The following PHF14 variants were observed in gnomAD, a reference collection of about 807,000 sequenced individuals.
The protein encoded by PHF14 is PHD finger protein 14.
A neutral mutation model predicts 117.9 loss-of-function variants in PHF14; 55 were observed. That is an observed-to-expected ratio of 0.47 (90% CI 0.38 to 0.58). PHF14 has a LOEUF of 0.58. Among genes scored for constraint, PHF14 ranks in the 20% least tolerant of loss-of-function variants. The probability of loss-of-function intolerance (pLI) is 0.00; values close to 1 mark genes in which losing one functional copy is unlikely to be tolerated. For synonymous variants in PHF14, 409 were observed against 368.6 expected (o/e 1.11, Z -1.26); for missense variants, 978 against 1,122.2 (o/e 0.87, Z 1.84).
chr7:10,982,471 A>G lies in PHF14; in HGVS notation c.212A>G (p.Asn71Ser). ...SEENILEEEL[N>S]EDIKVKEEQL... ...GAAAATATTTTAGAAGAAGAACTGA[A>G]TGAAGATATTAAAGTAAAAGAAGAA... The change falls in exon 3 of 18, where the codon AAT (asparagine) becomes AGT (serine). Residue 71 changes from asparagine to serine, a missense_variant. This residue lies in a region of PHF14 where 414 missense variants were observed against 376.4 expected (regional missense o/e 1.10). Coordinates refer to ENST00000634607, the MANE Select transcript of PHF14 (RefSeq NM_001007157.2). 1 of 1,588,086 alleles carries G rather than the reference A, an allele frequency of 6.3e-7. No homozygotes were observed. Among genetic ancestry groups the G allele is most frequent in the South Asian group, 1.1e-5 (1 of 88,612 alleles).
At chr7:11,109,035 A>G (rs950525755) in intron 16 of PHF14, 25 of 151,942 alleles carry the variant, frequency 1.6e-4, no homozygotes, top group African/African-American at 5.1e-4. Context: ...CCAAAAACCT[A>G]AAGTTAAGGA....
At chr7:11,073,479 C>A (rs1785703286) in intron 16 of PHF14, among the ~76,000 whole-genome samples, 1 of 152,238 alleles carries the variant, frequency 6.6e-6, no homozygotes, top group South Asian at 2.1e-4. Context: ...GCTCCAAATG[C>A]TTTGGGCAGC....
At chr7:11,072,620 C>CTA (rs1258341367) in intron 16 of PHF14, among the ~76,000 whole-genome samples, 1 of 151,568 alleles carries the variant, frequency 6.6e-6, no homozygotes, top group Admixed American at 6.6e-5. Flanking sequence ...ATGGTAAAGG[C>CTA]TATATATATG....
chr7:11,048,733 A>G (rs1483425516), intron 13 of PHF14, among the ~76,000 whole-genome samples: 1 of 152,254 alleles, frequency 6.6e-6, no homozygotes, highest in African/African-American at 2.4e-5. Flanking sequence ...AGTGTTTAAT[A>G]GATTGTTGAA....
chr7:11,080,598 T>C (rs935882854), intron 16 of PHF14, among the ~76,000 whole-genome samples: 9 of 152,198 alleles, frequency 5.9e-5, no homozygotes, highest in African/African-American at 2.2e-4. Context: ...CCCTGATGTC[T>C]CAAAATAGAA....
At chr7:11,097,029 G>T (rs963392248) in intron 16 of PHF14, among the ~76,000 whole-genome samples, 2 of 144,464 alleles carry the variant, frequency 1.4e-5, no homozygotes, top group African/African-American at 5.3e-5. Context: ...GCCCCGGCTG[G>T]AGTGCAATGG....
At chr7:11,157,858 C>G (rs1316782030) in intron 17 of PHF14, among the ~76,000 whole-genome samples, 2 of 152,150 alleles carry the variant, frequency 1.3e-5, no homozygotes, top group African/African-American at 4.8e-5. Context: ...CTGATTGCCT[C>G]TGCACATTAT....
chr7:11,129,729 G>C (rs556369217), intron 17 of PHF14, among the ~76,000 whole-genome samples: 2 of 151,886 alleles, frequency 1.3e-5, no homozygotes, highest in East Asian at 3.9e-4. Context: ...AGGTGCTTCA[G>C]ATGTAGTAAG....
At chr7:10,991,889 T>G (rs376221866) in intron 4 of PHF14, among the ~76,000 whole-genome samples, 10 of 150,380 alleles carry the variant, frequency 6.6e-5, no homozygotes, top group East Asian at 3.9e-4. Context: ...TGAACCAGTG[T>G]GCCAGGCCTT....
At chr7:11,005,246 T>C (rs1562414878) in intron 4 of PHF14, among the ~76,000 whole-genome samples, 2 of 152,238 alleles carry the variant, frequency 1.3e-5, no homozygotes, top group African/African-American at 4.8e-5. Flanking sequence ...TGATTACATA[T>C]GTAGGCTGCA....
intron 2 of PHF14, among the ~76,000 whole-genome samples, chr7:10,981,491 G>A (rs944426582): frequency 1.3e-5 from 2 of 152,194 alleles, no homozygotes; most frequent in Non-Finnish European, 2.9e-5. Context: ...GGTTGAGAGG[G>A]ACTGGGCTGC....
At chr7:10,985,437 A>G (rs1174357620) in intron 3 of PHF14, among the ~76,000 whole-genome samples, 3 of 151,952 alleles carry the variant, frequency 2.0e-5, no homozygotes, top group Non-Finnish European at 4.4e-5. Flanking sequence ...GCAGGCAGAC[A>G]TTTTTCTTAG....
chr7:10,978,618 A>G (rs1278336500), intron 2 of PHF14, among the ~76,000 whole-genome samples: 1 of 152,198 alleles, frequency 6.6e-6, no homozygotes, highest in African/African-American at 2.4e-5. Context: ...CCTTGGCGCT[A>G]TTGGCATTTT....
At chr7:11,147,666 G>A (rs1026363098) in intron 17 of PHF14, among the ~76,000 whole-genome samples, 1 of 152,084 alleles carries the variant, frequency 6.6e-6, no homozygotes, top group African/African-American at 2.4e-5. Context: ...GTAACTGGCA[G>A]ACCCTTCTCA....
At chr7:11,006,692 A>T in intron 4 of PHF14, 2 of 632,280 alleles carry the variant, frequency 3.2e-6, no homozygotes, top group Non-Finnish European at 6.0e-6. Context: ...TCTTCCGAGG[A>T]TATCTGGGCT....
At chr7:10,997,895 C>T (rs1202181595) in intron 4 of PHF14, among the ~76,000 whole-genome samples, 2 of 152,174 alleles carry the variant, frequency 1.3e-5, no homozygotes, top group Admixed American at 6.5e-5. Context: ...CCATATTCCG[C>T]TGTTCACACA....
At chr7:10,990,646 A>C (rs1782416980) in intron 3 of PHF14, 57 bp from the exon 4 acceptor site, 1 of 1,057,856 alleles carries the variant, frequency 9.5e-7, no homozygotes, top group African/African-American at 1.7e-5. Flanking sequence ...TTAGTGATTA[A>C]GTTTTTTTTT....
intron 16 of PHF14, chr7:11,106,820 G>T (rs998332612): frequency 6.1e-6 from 6 of 984,000 alleles, no homozygotes; most frequent in Non-Finnish European, 6.0e-6. Context: ...TGGATATTTA[G>T]TTTTTTTTAA....
chr7:11,107,602 G>A (rs1583471507), intron 16 of PHF14: 1 of 789,220 alleles, frequency 1.3e-6, no homozygotes. Context: ...AAAAATCTTA[G>A]TGTTTCTTTA....
Sources: gnomAD v4.1 joint callset for allele counts (sites outside exome capture counted in the v4.1 genomes callset) on GRCh38, gnomAD v4.1.1 for gene constraint, gnomAD v4.1.1 regional missense constraint, MANE v1.5 for transcripts, NCBI Gene and HGNC (gene_info 2026-07-23, HGNC 2026-07-21) for gene names.